The following PRDM5 variants were observed in gnomAD, a reference collection of about 807,000 sequenced individuals.
PRDM5 encodes PR/SET domain 5.
In PRDM5, 56 loss-of-function variants were observed where a neutral mutation model predicts 81.2. That is an observed-to-expected ratio of 0.69 (90% CI 0.56 to 0.86). The LOEUF is 0.86. Among genes scored for constraint, PRDM5 ranks in the 40% least tolerant of loss-of-function variants. PRDM5 has a pLI of 0.00. For missense variants in PRDM5, 697 were observed against 770.1 expected (o/e 0.91, Z 1.12); for synonymous variants, 267 against 256.4 (o/e 1.04, Z -0.39).
Position 120,710,308 on chromosome 4 carries a change from C to T in PRDM5, c.1728+1G>A. 2 of 1,613,744 alleles carry T rather than the reference C, an allele frequency of 1.2e-6. No homozygotes were observed. The highest frequency in any genetic ancestry group is 1.7e-6 in the Non-Finnish European group (2 of 1,179,876). ...TATGGGGGAAAAAAATCCAAACTCA[C>T]ATCACACTGAAAAGGCTTTTCTCCA... On this transcript the variant is annotated splice_donor_variant, in intron 15 of 15. Coordinates refer to ENST00000264808, the MANE Select transcript of PRDM5 (RefSeq NM_018699.4). LOFTEE classifies it high-confidence loss of function.
chr4:120,763,636 A>T (rs576154027), intron 13 of PRDM5, among the ~76,000 whole-genome samples: 1 of 152,310 alleles, frequency 6.6e-6, no homozygotes, highest in Admixed American at 6.5e-5. Context: ...GTTCTTTATC[A>T]TTGATGTGGT....
At chr4:120,816,339 T>C (rs1393644745) in intron 7 of PRDM5, 114 bp downstream of exon 7, 1 of 1,561,348 alleles carries the variant, frequency 6.4e-7, no homozygotes, top group East Asian at 2.3e-5. Flanking sequence ...TCCACATCTG[T>C]GTGAAACACA....
intron 2 of PRDM5, among the ~76,000 whole-genome samples, chr4:120,897,661 C>T (rs1231543474): frequency 2.6e-5 from 4 of 152,196 alleles, no homozygotes; most frequent in African/African-American, 9.6e-5. Flanking sequence ...AATTCATTTT[C>T]AATATTTTCT....
At chr4:120,754,742 T>C in intron 13 of PRDM5, 104 bp from the exon 14 acceptor site, 1 of 806,912 alleles carries the variant, frequency 1.2e-6, no homozygotes, top group Admixed American at 1.9e-5. Flanking sequence ...GCATATGCCC[T>C]GTGCTACTTC....
chr4:120,739,454 A>C (rs1741585555), intron 14 of PRDM5, among the ~76,000 whole-genome samples: 1 of 152,346 alleles, frequency 6.6e-6, no homozygotes, highest in African/African-American at 2.4e-5. Context: ...AAGTTAGGCA[A>C]AGACATATAG....
chr4:120,700,341 A>C (rs1380796466), intron 15 of PRDM5, among the ~76,000 whole-genome samples: 1 of 152,238 alleles, frequency 6.6e-6, no homozygotes, highest in African/African-American at 2.4e-5. Context: ...GTAAGAGCTC[A>C]AACTATAAAA....
At position 120,871,184 on chromosome 4, in the gene PRDM5, C is replaced by T. The variant is rs79347167; in HGVS notation, c.178-17644G>A. 7.2e-3 allele frequency among the ~76,000 whole-genome samples: 1,101 copies of T among 152,266 alleles called. 18 individuals carry two copies. Among genetic ancestry groups the T allele is most frequent in the African/African-American group, 0.025 (1,027 of 41,566 alleles). ...TTAGAAACACACTTCTCTCTAGTTC[C>T]ACATAATGTTTTGTTGTTGTTGTTG... is the stretch of plus-strand genomic sequence containing the variant. On this transcript the variant is annotated intron_variant, in intron 2 of 15. Transcript: ENST00000264808.
chr4:120,826,039 A>G (rs534455396), intron 3 of PRDM5, among the ~76,000 whole-genome samples: 37 of 152,218 alleles, frequency 2.4e-4, no homozygotes, highest in African/African-American at 8.7e-4. Flanking sequence ...CCTAACAACA[A>G]TATTGACTGG....
intron 13 of PRDM5, among the ~76,000 whole-genome samples, chr4:120,773,417 T>G (rs918551910): frequency 5.9e-5 from 9 of 152,220 alleles, no homozygotes; most frequent in Admixed American, 2.6e-4. Context: ...GCTATGATAT[T>G]AACATATCAT....
Position 120,921,358 on chromosome 4 carries a change from A to T in PRDM5, c.93+1158T>A, listed in dbSNP as rs912640794. ...TTATTCCTGTTTTTAACATTTGAACATTCTCGCCAACTCCCACTTGAAAAA... is the reference window on the plus strand; with the variant it reads ...TTATTCCTGTTTTTAACATTTGAACTTTCTCGCCAACTCCCACTTGAAAAA... On this transcript the variant is annotated intron_variant, in intron 1 of 15. Coordinates refer to ENST00000264808, the MANE Select transcript of PRDM5 (RefSeq NM_018699.4). 7.6e-4 allele frequency among the ~76,000 whole-genome samples: 116 copies of T among 152,356 alleles called. 3 individuals carry two copies. The highest frequency in any genetic ancestry group is 2.7e-3 in the African/African-American group (114 of 41,572).
At chr4:120,919,277 C>T (rs578211931) in intron 1 of PRDM5, among the ~76,000 whole-genome samples, 1 of 152,216 alleles carries the variant, frequency 6.6e-6, no homozygotes, top group Admixed American at 6.5e-5. Context: ...TATCTCCCCA[C>T]ATAAGAAAGC....
At chr4:120,734,369 A>AGCTCCAGT (rs1458655492) in intron 14 of PRDM5, among the ~76,000 whole-genome samples, 1 of 150,302 alleles carries the variant, frequency 6.7e-6, no homozygotes, top group African/African-American at 2.5e-5. Flanking sequence ...GTAAAAGACT[A>AGCTCCAGT]GCTCCAGTGA....
In PRDM5 at chr4:120,816,871, T is replaced by G. The variant is rs1460174994; in HGVS notation, c.704A>C (p.Gln235Pro). ...SSLKESSRSF[Q>P]CSVCNSSFSS... ...GAAGGAAGAATTGCAAACAGAGCAC[T>G]GAAAACTTCGCGAAGACTCCTTTAG... The change falls in exon 6 of 16, where the codon CAG becomes CCG. Residue 235 changes from glutamine to proline, a missense_variant. Physicochemically the swap from Gln to Pro is moderately conservative, Grantham distance 76. This residue lies in a region of PRDM5 where 577 missense variants were observed against 606.7 expected (regional missense o/e 0.95). Transcript: ENST00000264808. 1 of 1,613,906 alleles carries G rather than the reference T, an allele frequency of 6.2e-7. No individual in the cohort carries two copies. Among genetic ancestry groups the G allele is most frequent in the Admixed American group, 1.7e-5 (1 of 60,016 alleles).
intron 14 of PRDM5, among the ~76,000 whole-genome samples, chr4:120,751,168 C>T (rs569496905): frequency 6.6e-6 from 1 of 152,132 alleles, no homozygotes; most frequent in South Asian, 2.1e-4. Flanking sequence ...CTCAGCCTCC[C>T]AAAGTGCTGG....
intron 4 of PRDM5, among the ~76,000 whole-genome samples, 185 bp downstream of exon 4, chr4:120,820,986 C>CA (rs1366209742): frequency 6.6e-6 from 1 of 152,212 alleles, no homozygotes; most frequent in Admixed American, 6.5e-5. Context: ...CACCCACTCC[C>CA]AAAATACTTT....
chr4:120,812,248 G>A (rs1246752939), intron 7 of PRDM5, among the ~76,000 whole-genome samples: 1 of 152,108 alleles, frequency 6.6e-6, no homozygotes, highest in Admixed American at 6.5e-5. Context: ...CAATAAACAT[G>A]GGAGTGCAGA....
chr4:120,717,617 G>A (rs1235768307), intron 14 of PRDM5, among the ~76,000 whole-genome samples: 1 of 152,182 alleles, frequency 6.6e-6, no homozygotes, highest in Non-Finnish European at 1.5e-5. Flanking sequence ...AATAGAAATT[G>A]ATTAGAAGCT....
intron 2 of PRDM5, among the ~76,000 whole-genome samples, chr4:120,889,359 G>A (rs552239218): frequency 3.9e-5 from 6 of 151,942 alleles, no homozygotes; most frequent in East Asian, 1.9e-4. Context: ...TATTTTTGTC[G>A]ACAACAGTTT....
intron 14 of PRDM5, among the ~76,000 whole-genome samples, chr4:120,749,204 CA>C (rs112490419): frequency 0.088 from 12,456 of 140,842 alleles, 1,210 homozygotes; most frequent in African/African-American, 0.25. Context: ...AACTAAATGT[CA>C]AAAAAAAAAA....
Sources: allele counts gnomAD v4.1 joint callset (sites outside exome capture counted in the v4.1 genomes callset), GRCh38; gene constraint gnomAD v4.1.1; regional missense constraint gnomAD v4.1.1; transcripts MANE v1.5; gene names NCBI Gene and HGNC (gene_info 2026-07-23, HGNC 2026-07-21).